Variants in HOXB3 observed in about 807,000 individuals in gnomAD.
HOXB3 encodes homeobox B3.
A neutral mutation model predicts 29.2 loss-of-function variants in HOXB3; 17 were observed. The observed-to-expected ratio is 0.58, with a 90% confidence interval of 0.40 to 0.87. The LOEUF (loss-of-function observed/expected upper bound fraction) is 0.87. Among genes scored for constraint, HOXB3 ranks in the 40% least tolerant of loss-of-function variants. The probability of loss-of-function intolerance (pLI) is 0.00; values close to 1 mark genes in which losing one functional copy is unlikely to be tolerated. For synonymous variants in HOXB3, 317 were observed against 285.9 expected (o/e 1.11, Z -1.10); for missense variants, 637 against 616.3 (o/e 1.03, Z -0.35).
In HOXB3 at chr17:48,550,742, T is replaced by C; in HGVS notation, c.888A>G (p.Lys296=). 1 of 1,584,780 alleles carries C rather than the reference T, an allele frequency of 6.3e-7. No homozygotes were observed. The highest frequency in any genetic ancestry group is 8.6e-7 in the Non-Finnish European group (1 of 1,163,090). ...YESPSPPAFG[K]AHQNAYALPS... Reference sequence around the variant, plus strand: ...GCAGCGCGTAGGCATTCTGGTGGGCTTTACCGAAGGCGGGTGGGGACGGGC... The same window carrying C: ...GCAGCGCGTAGGCATTCTGGTGGGCCTTACCGAAGGCGGGTGGGGACGGGC... The change falls in exon 5 of 5, where the codon AAA becomes AAG. Residue 296 remains lysine, a synonymous_variant. Coordinates refer to ENST00000498678, the MANE Select transcript of HOXB3 (RefSeq NM_001384749.1).
chr17:48,573,796 A>C (rs2069665014), intron 2 of HOXB3, 41 bp downstream of exon 2: 1 of 691,512 alleles, frequency 1.4e-6, no homozygotes, highest in African/African-American at 1.8e-5. Context: ...AGAGCTCATA[A>C]AACGATCAAA....
chr17:48,586,883 AG>A (rs2070057474), intron 1 of HOXB3, among the ~76,000 whole-genome samples: 1 of 152,154 alleles, frequency 6.6e-6, no homozygotes, highest in Non-Finnish European at 1.5e-5. Flanking sequence ...AAGGAAGGTG[AG>A]GGGGGAGGTT....
intron 2 of HOXB3, among the ~76,000 whole-genome samples, chr17:48,565,768 C>G (rs576946014): frequency 1.3e-5 from 2 of 152,326 alleles, no homozygotes; most frequent in South Asian, 2.1e-4. Context: ...TCACTTAACT[C>G]TGTGTGTGTG....
At position 48,554,891 on chromosome 17, in the gene HOXB3, TC is replaced by T. The variant is rs563875534; in HGVS notation, c.-159+639del. On this transcript the variant is annotated intron_variant, in intron 3 of 4. Coordinates refer to ENST00000498678, the MANE Select transcript of HOXB3 (RefSeq NM_001384749.1). The surrounding 1 kb of genome is among the most constrained non-coding windows in gnomAD (Gnocchi z 4.1). ...AGAAAGGTGCTAAGGGGACCCAAGA[TC>T]TGGGATCCAGAACAAGAGGGGGTGG... The T allele has an allele frequency of 6.0e-4, 416 of 695,018 alleles. 3 individuals carry two copies. The East Asian group carries it at 9.3e-3, about 16-fold the overall frequency. The allele number at this position is 695,018 out of a possible 1,614,324, so 43.1% of individuals were successfully genotyped here.
intron 1 of HOXB3, among the ~76,000 whole-genome samples, chr17:48,585,961 T>A (rs1047611125): frequency 1.2e-4 from 19 of 152,128 alleles, no homozygotes; most frequent in African/African-American, 4.1e-4. Context: ...CTTTCCTCCC[T>A]AGATGCATTC....
intron 1 of HOXB3, chr17:48,578,028 G>A (rs1231135097): frequency 9.6e-6 from 12 of 1,252,772 alleles, no homozygotes; most frequent in Non-Finnish European, 1.2e-5. Flanking sequence ...GCCCCGGCGG[G>A]TGGCGGCGCA....
At chr17:48,580,316 CTTT>C (rs749178051) in intron 1 of HOXB3, 41 of 101,234 alleles carry the variant, frequency 4.1e-4, no homozygotes, top group East Asian at 1.4e-3. Flanking sequence ...CCCCCCAGGA[CTTT>C]TTTTTTTTTT....
chr17:48,554,439 C>A lies in HOXB3; in HGVS notation c.-159+1092G>T, dbSNP rs1164952332. On this transcript the variant is annotated intron_variant, in intron 3 of 4. Transcript: ENST00000498678. This position sits in a 1 kb window ranked among gnomAD's most constrained non-coding sequence, Gnocchi z 4.1. ...CCCCTTGCAATAAACCCCAAACCATCGCGGGACGGAGGCCAGGCGAGTGTG... is the reference window on the plus strand; with the variant it reads ...CCCCTTGCAATAAACCCCAAACCATAGCGGGACGGAGGCCAGGCGAGTGTG... 9 of 589,038 alleles carry A rather than the reference C, an allele frequency of 1.5e-5. No individual in the cohort carries two copies. The South Asian group carries it at 1.6e-4, about 11-fold the overall frequency. 36.5% of individuals were successfully genotyped at this position (589,038 alleles called of 1,614,324 possible). A position where few individuals can be genotyped will look rare whatever the true frequency, so the allele number is the denominator to read the frequency against.
intron 2 of HOXB3, chr17:48,556,643 T>C (rs1219417045): frequency 6.0e-5 from 9 of 151,054 alleles, no homozygotes; most frequent in African/African-American, 2.0e-4. Flanking sequence ...ACTCTGAACA[T>C]CTTGCAGGGG....
At position 48,579,479 on chromosome 17, in the gene HOXB3, A is replaced by G. The variant is rs571294908; in HGVS notation, c.-424-5465T>C. On this transcript the variant is annotated intron_variant, in intron 1 of 4. Coordinates refer to ENST00000498678, the MANE Select transcript of HOXB3 (RefSeq NM_001384749.1). ...AAGGCGGCCTCAGCATCCGTTTGTT[A>G]AACAAATTTCCTTTGCCTTCTTCGC... 2.0e-5 allele frequency: 3 copies of G among 152,756 alleles called. No individual in the cohort carries two copies. In the South Asian group the frequency reaches 6.2e-4, roughly 32 times the overall value. 9.5% of individuals were successfully genotyped at this position (152,756 alleles called of 1,614,324 possible).
chr17:48,578,503 C>T (rs1423734451), intron 1 of HOXB3: 13 of 676,176 alleles, frequency 1.9e-5, no homozygotes, highest in South Asian at 8.2e-5. Context: ...ACCCGGACCC[C>T]ACTCCAGCCA....
At chr17:48,551,970 CAG>C in intron 4 of HOXB3, 55 bp downstream of exon 4, 1 of 1,487,158 alleles carries the variant, frequency 6.7e-7, no homozygotes, top group Non-Finnish European at 9.1e-7. Context: ...GCTAGAATAA[CAG>C]TGACATTCCT....
At chr17:48,578,723 G>A in intron 1 of HOXB3, 1 of 218,526 alleles carries the variant, frequency 4.6e-6, no homozygotes, top group South Asian at 6.0e-5. Flanking sequence ...TTAAGAAGTT[G>A]GGGCTCCCGG....
intron 3 of HOXB3, chr17:48,552,938 C>T (rs1256999902): frequency 6.4e-6 from 1 of 157,226 alleles, no homozygotes; most frequent in African/African-American, 2.4e-5. Flanking sequence ...ATCTCTCCTC[C>T]CCAACTCTGG....
Position 48,552,377 on chromosome 17 carries a change from G to C in HOXB3, c.98C>G (p.Pro33Arg), listed in dbSNP as rs1386462511. 6.2e-7 allele frequency: 1 copy of C among 1,613,572 alleles called. No individual in the cohort carries two copies. The highest frequency in any genetic ancestry group is 8.5e-7 in the Non-Finnish European group (1 of 1,179,620). ...GSNGFGFDVPPQPPFQAATHL... is the reference protein window; with the variant it reads ...GSNGFGFDVPRQPPFQAATHL... ...CGTGGCGGCCTGAAATGGGGGTTGG[G>C]GGGGGACATCGAAGCCGAAGCCATT... is the stretch of plus-strand genomic sequence containing the variant. Residue 33 changes from proline (P) to arginine (R), a missense_variant, in exon 4 of 5, where the codon CCC (proline) becomes CGC (arginine). Pro to Arg is a moderately radical substitution (Grantham distance 103). Coordinates refer to ENST00000498678, the MANE Select transcript of HOXB3 (RefSeq NM_001384749.1).
chr17:48,551,921 T>C, intron 4 of HOXB3, 106 bp downstream of exon 4: 1 of 1,064,674 alleles, frequency 9.4e-7, no homozygotes, highest in East Asian at 2.4e-5. Flanking sequence ...CCACCTAATA[T>C]TGTTCCCAGG....
Position 48,550,531 on chromosome 17 carries a change from C to A in HOXB3, c.1099G>T (p.Gly367Cys). The change falls in exon 5 of 5, where the codon GGC becomes TGC. Residue 367 changes from glycine (G) to cysteine (C), a missense_variant. Physicochemically the swap from Gly to Cys is radical, Grantham distance 159. Transcript: ENST00000498678. ...GYADPLPPPA[G>C]PSLYGLNHLS... ...TGGTTGAGGCCATAGAGGGAGGGGC[C>A]GGCAGGGGGCGGCAGCGGATCCGCG... is the stretch of plus-strand genomic sequence containing the variant. 6.5e-7 allele frequency: 1 copy of A among 1,539,080 alleles called. No individual in the cohort carries two copies. The highest frequency in any genetic ancestry group is 1.3e-5 in the South Asian group (1 of 78,902).
At chr17:48,576,795 A>T (rs143090260) in intron 1 of HOXB3, 118 of 1,614,010 alleles carry the variant, frequency 7.3e-5, no homozygotes, top group Non-Finnish European at 9.7e-5. Flanking sequence ...ACCCGAGCGG[A>T]TCTTGGTGTT....
chr17:48,580,103 T>A, intron 1 of HOXB3: 1 of 345,102 alleles, frequency 2.9e-6, no homozygotes, highest in Non-Finnish European at 5.7e-6. Context: ...TACAAGGTTT[T>A]CAATTCTCCT....
Sources: gnomAD v4.1 joint callset for allele counts (sites outside exome capture counted in the v4.1 genomes callset) on GRCh38, gnomAD v4.1.1 for gene constraint, Gnocchi (gnomAD v3.1) non-coding constraint, MANE v1.5 for transcripts, NCBI Gene and HGNC (gene_info 2026-07-23, HGNC 2026-07-21) for gene names.